Variants in MEGF9 observed in about 807,000 individuals in gnomAD.
MEGF9 encodes multiple EGF like domains 9, also known as multiple epidermal growth factor-like domains protein 9.
MEGF9 carries 6 observed loss-of-function variants against 46.8 expected under a neutral mutation model. The ratio of observed to expected loss-of-function variants is 0.13; its 90% confidence interval spans 0.07 to 0.25. The LOEUF is 0.25. Ranked by LOEUF, MEGF9 falls within the 10% of genes least tolerant of loss-of-function variation. MEGF9 has a pLI of 1.00. For synonymous variants in MEGF9, 302 were observed against 330.7 expected, an observed-to-expected ratio of 0.91 and a Z score of 0.94; for missense variants, 683 against 792.4, an observed-to-expected ratio of 0.86 and a Z score of 1.66.
intron 2 of MEGF9, among the ~76,000 whole-genome samples, chr9:120,630,497 C>G (rs1052826926): frequency 1.3e-5 from 2 of 152,198 alleles, no homozygotes; most frequent in African/African-American, 4.8e-5. Flanking sequence ...CTTTGGCATA[C>G]TAACTTCCTT....
chr9:120,645,112 G>A (rs1484030694), intron 2 of MEGF9, among the ~76,000 whole-genome samples: 2 of 152,172 alleles, frequency 1.3e-5, no homozygotes, highest in African/African-American at 2.4e-5. Flanking sequence ...CCTGAGATAA[G>A]GGTTTAACAA....
chr9:120,706,808 C>G (rs926340057), intron 1 of MEGF9, among the ~76,000 whole-genome samples: 2 of 152,090 alleles, frequency 1.3e-5, no homozygotes, highest in African/African-American at 4.8e-5. Context: ...GCACTCCAGC[C>G]CGGGACACAG....
chr9:120,713,906 G>A lies in MEGF9; in HGVS notation c.453C>T (p.Thr151=). 7.5e-7 allele frequency: 1 copy of A among 1,336,510 alleles called. No individual in the cohort carries two copies. The highest frequency in any genetic ancestry group is 9.6e-7 in the Non-Finnish European group (1 of 1,039,074). 82.8% of individuals were successfully genotyped at this position (1,336,510 alleles called of 1,614,324 possible). ...TRPAPTTLST[T]TGPAPTTPVA... ...CAGGGGTGGTCGGCGCCGGGCCAGTGGTCGTCGAAAGGGTGGTCGGCGCGG... is the reference window on the plus strand; with the variant it reads ...CAGGGGTGGTCGGCGCCGGGCCAGTAGTCGTCGAAAGGGTGGTCGGCGCGG... The change falls in exon 1 of 6, where the codon ACC becomes ACT. Residue 151 remains threonine (T), a synonymous_variant. Transcript: ENST00000373930.
chr9:120,640,077 T>C (rs1362934647), intron 2 of MEGF9, among the ~76,000 whole-genome samples: 1 of 152,194 alleles, frequency 6.6e-6, no homozygotes, highest in Non-Finnish European at 1.5e-5. Context: ...GCTTTACCTC[T>C]CTCCAATGTT....
At chr9:120,673,527 T>A (rs1286518099) in intron 1 of MEGF9, among the ~76,000 whole-genome samples, 1 of 148,646 alleles carries the variant, frequency 6.7e-6, no homozygotes, top group African/African-American at 2.5e-5. Flanking sequence ...CCCTCAGAAA[T>A]ATCTAACAAA....
At chr9:120,685,109 C>T (rs999375480) in intron 1 of MEGF9, among the ~76,000 whole-genome samples, 2 of 152,224 alleles carry the variant, frequency 1.3e-5, no homozygotes, top group Non-Finnish European at 2.9e-5. Context: ...GCTGGGATTA[C>T]AGGCGTAAGC....
Position 120,611,883 on chromosome 9 carries a change from GAGAA to G in MEGF9, c.1087+509_1087+512del, listed in dbSNP as rs1554794260. Among the ~76,000 whole-genome samples the G allele has an allele frequency of 3.6e-4, 54 of 150,268 alleles. 1 individual carries two copies. Among genetic ancestry groups the G allele is most frequent in the South Asian group, 2.7e-3 (13 of 4,740 alleles). ...AGGAAGAAAGAGAGAGAGAGAGAGAGAGAAAGAAAGAAAGAAAGAAAGGAAAAAA... is the reference window on the plus strand; with the variant it reads ...AGGAAGAAAGAGAGAGAGAGAGAGAGAGAAAGAAAGAAAGAAAGGAAAAAA... On this transcript the variant is annotated intron_variant, in intron 4 of 5. Transcript: ENST00000373930.
intron 3 of MEGF9, among the ~76,000 whole-genome samples, chr9:120,618,140 G>A (rs2043480352): frequency 6.6e-6 from 1 of 152,166 alleles, no homozygotes; most frequent in Non-Finnish European, 1.5e-5. Context: ...GGGGGAAAAT[G>A]AGCTAAAACA....
Position 120,684,432 on chromosome 9 carries a change from T to C in MEGF9, c.602-24857A>G, listed in dbSNP as rs1208291804. Among the ~76,000 whole-genome samples the C allele has an allele frequency of 2.0e-5, 3 of 152,326 alleles. No homozygotes were observed. The East Asian group carries it at 5.8e-4, about 29-fold the overall frequency. On this transcript the variant is annotated intron_variant, in intron 1 of 5. Coordinates refer to ENST00000373930, the MANE Select transcript of MEGF9 (RefSeq NM_001080497.3). ...AAAGGACATTTTAAAATAACTACTT[T>C]TTTCTTTCAGAAGTCAAAGGGGGTT...
At chr9:120,690,523 G>A (rs2043843492) in intron 1 of MEGF9, among the ~76,000 whole-genome samples, 1 of 152,152 alleles carries the variant, frequency 6.6e-6, no homozygotes, top group South Asian at 2.1e-4. Context: ...GCTTGGGGCA[G>A]CTTCTCTATC....
intron 2 of MEGF9, among the ~76,000 whole-genome samples, chr9:120,627,210 G>A (rs751882875): frequency 1.3e-5 from 2 of 152,148 alleles, no homozygotes; most frequent in African/African-American, 2.4e-5. Flanking sequence ...ATCGAGAAGA[G>A]AAAGGATCTG....
At chr9:120,696,476 CTTT>C (rs2043877580) in intron 1 of MEGF9, among the ~76,000 whole-genome samples, 1 of 152,094 alleles carries the variant, frequency 6.6e-6, no homozygotes, top group Non-Finnish European at 1.5e-5. Context: ...ATAATACAAA[CTTT>C]TTATTAGGTT....
chr9:120,667,793 A>G (rs1166661819), intron 1 of MEGF9, among the ~76,000 whole-genome samples: 2 of 152,256 alleles, frequency 1.3e-5, no homozygotes, highest in Non-Finnish European at 2.9e-5. Flanking sequence ...TGGGAGGCCA[A>G]GGTGGGCAGA....
chr9:120,609,363 T>C (rs1340868280), intron 4 of MEGF9, among the ~76,000 whole-genome samples: 1 of 152,224 alleles, frequency 6.6e-6, no homozygotes, highest in East Asian at 1.9e-4. Flanking sequence ...TATTACTTCT[T>C]CTCAGAAGCA....
intron 1 of MEGF9, among the ~76,000 whole-genome samples, chr9:120,679,694 A>G (rs1462445493): frequency 6.6e-6 from 1 of 151,926 alleles, no homozygotes; most frequent in African/African-American, 2.4e-5. Context: ...TCCCAGCACT[A>G]TGGGAGGCTG....
chr9:120,653,369 A>AT (rs1026801877), intron 2 of MEGF9, among the ~76,000 whole-genome samples: 1 of 150,012 alleles, frequency 6.7e-6, no homozygotes, highest in African/African-American at 2.4e-5. Context: ...TATTTTATTT[A>AT]TTTTATTTAT....
rs181416947 is a variant in MEGF9 at position 120,620,681 on chromosome 9, G to T, written c.943+1935C>A. On this transcript the variant is annotated intron_variant, in intron 3 of 5. Transcript: ENST00000373930. ...CAGAGGGGTCAAGGATGGAGGTAGAGGTGGATTAGAAAAACCATTCTTGGC... is the reference window on the plus strand; with the variant it reads ...CAGAGGGGTCAAGGATGGAGGTAGATGTGGATTAGAAAAACCATTCTTGGC... Among the ~76,000 whole-genome samples the T allele has an allele frequency of 1.6e-3, 236 of 152,136 alleles. 2 individuals carry two copies. Among genetic ancestry groups the T allele is most frequent in the African/African-American group, 4.5e-3 (185 of 41,494 alleles).
At chr9:120,694,308 C>T (rs897160338) in intron 1 of MEGF9, among the ~76,000 whole-genome samples, 5 of 152,198 alleles carry the variant, frequency 3.3e-5, no homozygotes, top group Non-Finnish European at 5.9e-5. Context: ...ATCTTAGATT[C>T]AGGTTCTTTA....
At chr9:120,622,492 AC>A (rs1479362178) in intron 3 of MEGF9, 123 bp downstream of exon 3, 1 of 802,096 alleles carries the variant, frequency 1.2e-6, no homozygotes, top group Non-Finnish European at 1.8e-6. Flanking sequence ...GTGATCTAGT[AC>A]ATCCTACTTA....
Sources: gnomAD v4.1 joint callset for allele counts (sites outside exome capture counted in the v4.1 genomes callset) on GRCh38, gnomAD v4.1.1 for gene constraint, MANE v1.5 for transcripts, NCBI Gene and HGNC (gene_info 2026-07-23, HGNC 2026-07-21) for gene names.